Variants in TRPC4 observed in about 807,000 individuals in gnomAD.
TRPC4 encodes the protein transient receptor potential cation channel subfamily C member 4, also known as short transient receptor potential channel 4.
A neutral mutation model predicts 99.4 loss-of-function variants in TRPC4; 49 were observed. The ratio of observed to expected loss-of-function variants is 0.49; its 90% CI spans 0.39 to 0.63. The LOEUF (loss-of-function observed/expected upper bound fraction) is 0.63, where lower values mean the gene tolerates loss of function less well. Ranked by LOEUF, TRPC4 falls within the 20% of genes least tolerant of loss-of-function variation. The pLI, the probability that TRPC4 is intolerant of heterozygous loss-of-function variation, is 0.00. For synonymous variants in TRPC4, 454 were observed against 425.9 expected, an observed-to-expected ratio of 1.07 and a Z score of -0.81; for missense variants, 898 against 1,152.9, an observed-to-expected ratio of 0.78 and a Z score of 3.20.
chr13:37,804,420 T>C (rs1957479618), intron 1 of TRPC4, among the ~76,000 whole-genome samples: 2 of 152,222 alleles, frequency 1.3e-5, no homozygotes, highest in East Asian at 3.9e-4. Context: ...TGCCCTGTTT[T>C]GATTTTTAAT....
intron 3 of TRPC4, among the ~76,000 whole-genome samples, chr13:37,698,802 C>T (rs1954007505): frequency 6.6e-6 from 1 of 152,008 alleles, no homozygotes; most frequent in Non-Finnish European, 1.5e-5. Flanking sequence ...AAGCACGATG[C>T]CAATAGGGGA....
intron 1 of TRPC4, among the ~76,000 whole-genome samples, chr13:37,861,543 T>C (rs1180798085): frequency 6.6e-6 from 1 of 151,648 alleles, no homozygotes; most frequent in Non-Finnish European, 1.5e-5. Flanking sequence ...GTTGACATTT[T>C]TATATGATGG....
In TRPC4 at chr13:37,686,460, C is replaced by CAT. The variant is rs1269624663; in HGVS notation, c.1234+5537_1234+5538dup. ...GTGTGTATACACACACATATATATA[C>CAT]ATATATATACATCCATATAGTATTA... On this transcript the variant is annotated intron_variant, in intron 4 of 10. Coordinates refer to ENST00000379705, the MANE Select transcript of TRPC4 (RefSeq NM_016179.4). Among the ~76,000 whole-genome samples the CAT allele has an allele frequency of 1.3e-5, 2 of 151,400 alleles. 1 individual carries two copies. Among genetic ancestry groups the CAT allele is most frequent in the Middle Eastern group, 6.4e-3 (2 of 312 alleles).
At chr13:37,802,957 C>A (rs1051228989) in intron 1 of TRPC4, among the ~76,000 whole-genome samples, 5 of 151,748 alleles carry the variant, frequency 3.3e-5, no homozygotes, top group African/African-American at 1.2e-4. Flanking sequence ...AAAAATTGTC[C>A]CCTTCTATGT....
chr13:37,770,966 G>A (rs1395688356), intron 2 of TRPC4, among the ~76,000 whole-genome samples: 1 of 151,554 alleles, frequency 6.6e-6, no homozygotes, highest in Admixed American at 6.6e-5. Flanking sequence ...TTTTATTGAT[G>A]TTGAATTACT....
chr13:37,664,656 T>A (rs1013933964), intron 5 of TRPC4, among the ~76,000 whole-genome samples: 1 of 152,176 alleles, frequency 6.6e-6, no homozygotes, highest in Non-Finnish European at 1.5e-5. Context: ...TAGAACTGAA[T>A]AATAAATTGA....
chr13:37,813,596 A>C (rs1343436652), intron 1 of TRPC4, among the ~76,000 whole-genome samples: 2 of 151,954 alleles, frequency 1.3e-5, no homozygotes, highest in African/African-American at 4.8e-5. Context: ...AAAAGTGTAC[A>C]ACTGTATGCC....
Position 37,632,374 on chromosome 13 carries a change from T to A in TRPC4, c.*4529A>T, listed in dbSNP as rs1951414829. On this transcript the variant is annotated 3_prime_UTR_variant, in exon 11 of 11. Transcript: ENST00000379705. ...TCAATATGTAGCCAACATAAAATAT[T>A]TATGAGCTAGTTTACATTATTTTCA... 6.6e-6 allele frequency among the ~76,000 whole-genome samples: 1 copy of A among 152,214 alleles called. No homozygotes were observed. Among genetic ancestry groups the A allele is most frequent in the Non-Finnish European group, 1.5e-5 (1 of 68,042 alleles).
rs1455063977 is a variant in TRPC4 at position 37,815,217 on chromosome 13, T to C, written c.-27-31857A>G. Among the ~76,000 whole-genome samples the C allele has an allele frequency of 3.3e-5, 5 of 151,844 alleles. No individual in the cohort carries two copies. The East Asian group carries it at 7.8e-4, about 24-fold the overall frequency. ...ATCTAAATGTTAAGAGCTCAAACTA[T>C]ACATAATAACTAGCTAATGACACAC... is the stretch of plus-strand genomic sequence containing the variant. On this transcript the variant is annotated intron_variant, in intron 1 of 10. Transcript: ENST00000379705.
At position 37,655,238 on chromosome 13, in the gene TRPC4, G is replaced by A. The variant is rs780685283; in HGVS notation, c.1734C>T (p.Leu578=). 42 of 1,605,894 alleles carry A rather than the reference G, an allele frequency of 2.6e-5. No homozygotes were observed. The South Asian group carries it at 4.7e-4, about 18-fold the overall frequency. ...LQSLFWSIFG[L]INLYVTNVKA... is the part of the protein sequence containing the mutation. ...TGACATTGGTCACATATAAATTGAT[G>A]AGCCCAAATATTGACCAAAACAGGG... Residue 578 remains leucine, a synonymous_variant, in exon 7 of 11, where the codon CTC becomes CTT. Coordinates refer to ENST00000379705, the MANE Select transcript of TRPC4 (RefSeq NM_016179.4).
At chr13:37,714,856 T>G (rs140479937) in intron 3 of TRPC4, among the ~76,000 whole-genome samples, 1 of 152,330 alleles carries the variant, frequency 6.6e-6, no homozygotes, top group East Asian at 1.9e-4. Flanking sequence ...GTACTTTAAT[T>G]TGAGCCATTA....
rs115109948 is a variant in TRPC4, at chr13:37,816,262, A to T, written c.-27-32902T>A. ...ACACAACACAGGAGCACCCAGACTC[A>T]TAAAGCAAGTTCTTGGAGACCTTCA... On this transcript the variant is annotated intron_variant, in intron 1 of 10. Coordinates refer to ENST00000379705, the MANE Select transcript of TRPC4 (RefSeq NM_016179.4). Among the ~76,000 whole-genome samples, 169 of 152,060 alleles carry T rather than the reference A, an allele frequency of 1.1e-3. 1 individual carries two copies. The highest frequency in any genetic ancestry group is 3.9e-3 in the African/African-American group (164 of 41,534).
At chr13:37,846,832 C>T (rs1335169125) in intron 1 of TRPC4, among the ~76,000 whole-genome samples, 2 of 151,860 alleles carry the variant, frequency 1.3e-5, no homozygotes, top group African/African-American at 4.8e-5. Flanking sequence ...TTTACTAGTA[C>T]AGATACACAC....
At chr13:37,818,066 T>A (rs575220898) in intron 1 of TRPC4, among the ~76,000 whole-genome samples, 4 of 151,690 alleles carry the variant, frequency 2.6e-5, no homozygotes, top group Non-Finnish European at 5.9e-5. Context: ...CGCTTTTGCA[T>A]AGCAAAGAAA....
chr13:37,780,331 C>A (rs914816074), intron 2 of TRPC4, among the ~76,000 whole-genome samples: 21 of 151,620 alleles, frequency 1.4e-4, no homozygotes, highest in African/African-American at 5.1e-4. Context: ...TTATTAGAAC[C>A]TCTTTCTTAA....
At chr13:37,862,437 T>C (rs17056729) in intron 1 of TRPC4, among the ~76,000 whole-genome samples, 5,815 of 151,606 alleles carry the variant, frequency 0.038, 156 homozygotes, top group African/African-American at 0.069. Flanking sequence ...TAACACGGAT[T>C]TACAGTAAAA....
intron 4 of TRPC4, among the ~76,000 whole-genome samples, chr13:37,687,108 G>A (rs145447370): frequency 2.0e-5 from 3 of 151,952 alleles, no homozygotes; most frequent in Admixed American, 6.6e-5. Context: ...GGGACTACAT[G>A]TGCCTGCCAC....
chr13:37,809,085 T>C (rs1957605799), intron 1 of TRPC4, among the ~76,000 whole-genome samples: 1 of 152,094 alleles, frequency 6.6e-6, no homozygotes, highest in Non-Finnish European at 1.5e-5. Context: ...TAGGAATCTT[T>C]GGCAAAAGTT....
intron 1 of TRPC4, among the ~76,000 whole-genome samples, chr13:37,804,174 G>A (rs917584769): frequency 1.3e-5 from 2 of 152,104 alleles, no homozygotes; most frequent in African/African-American, 2.4e-5. Context: ...AAGGATCAGC[G>A]TAATGAAAGC....
Sources: gnomAD v4.1 joint callset for allele counts (sites outside exome capture counted in the v4.1 genomes callset) on GRCh38, gnomAD v4.1.1 for gene constraint, MANE v1.5 for transcripts, NCBI Gene and HGNC (gene_info 2026-07-23, HGNC 2026-07-21) for gene names.